The following PPM1E variants were observed in gnomAD, a reference collection of about 807,000 sequenced individuals.
PPM1E encodes the protein protein phosphatase, Mg2+/Mn2+ dependent 1E.
Under a neutral mutation model 65.9 loss-of-function variants are expected in PPM1E, and 20 were observed. The observed-to-expected ratio is 0.30, with a 90% CI of 0.21 to 0.44. PPM1E has a LOEUF of 0.44. PPM1E is among the 20% of genes least tolerant of loss of function. The pLI is 1.00. For missense variants in PPM1E, 713 were observed against 953.1 expected (o/e 0.75, Z 3.32); for synonymous variants, 352 against 374.9 (o/e 0.94, Z 0.70).
Position 58,794,406 on chromosome 17 carries a change from A to T in PPM1E, c.464+37945A>T, listed in dbSNP as rs192903989. On this transcript the variant is annotated intron_variant, in intron 1 of 6. Coordinates refer to ENST00000308249, the MANE Select transcript of PPM1E (RefSeq NM_014906.5). Reference sequence around the variant, plus strand: ...TTTATTATTATTTATTTTTTGAAGTATTTTATGTTATTTTTAACTTTTAGC... The same window carrying T: ...TTTATTATTATTTATTTTTTGAAGTTTTTTATGTTATTTTTAACTTTTAGC... Among the ~76,000 whole-genome samples, 6 of 152,136 alleles carry T rather than the reference A, an allele frequency of 3.9e-5. No individual in the cohort carries two copies. The East Asian group carries it at 1.2e-3, about 29-fold the overall frequency.
chr17:58,963,120 C>T (rs971365687), intron 2 of PPM1E, among the ~76,000 whole-genome samples: 4 of 151,916 alleles, frequency 2.6e-5, no homozygotes, highest in Admixed American at 1.3e-4. Context: ...CATGGTGGCT[C>T]ATGCCTGTAA....
intron 1 of PPM1E, among the ~76,000 whole-genome samples, chr17:58,820,450 C>T (rs748229978): frequency 6.6e-6 from 1 of 152,110 alleles, no homozygotes; most frequent in Non-Finnish European, 1.5e-5. Flanking sequence ...AATAATAATA[C>T]ATGTGATGTG....
At chr17:58,928,999 C>T (rs941949828) in intron 1 of PPM1E, among the ~76,000 whole-genome samples, 2 of 152,090 alleles carry the variant, frequency 1.3e-5, no homozygotes, top group Admixed American at 6.6e-5. Flanking sequence ...CCACTGCGCC[C>T]GGCCGAACAC....
At chr17:58,777,704 T>TA (rs955725469) in intron 1 of PPM1E, among the ~76,000 whole-genome samples, 6 of 152,270 alleles carry the variant, frequency 3.9e-5, no homozygotes, top group Admixed American at 3.9e-4. Context: ...GTTTCTCAAA[T>TA]AAACAGAATT....
intron 1 of PPM1E, among the ~76,000 whole-genome samples, chr17:58,915,804 T>C (rs918438962): frequency 2.0e-5 from 3 of 152,254 alleles, no homozygotes; most frequent in Non-Finnish European, 4.4e-5. Flanking sequence ...TTACCTACTT[T>C]GCAATGTGGA....
intron 1 of PPM1E, among the ~76,000 whole-genome samples, chr17:58,873,609 TTC>T (rs1349928725): frequency 1.1e-5 from 1 of 93,138 alleles, no homozygotes. Context: ...TATTATTATT[TTC>T]GAGTCAGGGT....
chr17:58,952,659 G>A (rs2052255681), intron 1 of PPM1E, among the ~76,000 whole-genome samples: 1 of 152,118 alleles, frequency 6.6e-6, no homozygotes, highest in Admixed American at 6.6e-5. Context: ...TGGGGCTGGA[G>A]TACTAGTTTC....
At chr17:58,883,629 G>A (rs1390546324) in intron 1 of PPM1E, among the ~76,000 whole-genome samples, 1 of 150,942 alleles carries the variant, frequency 6.6e-6, no homozygotes, top group Admixed American at 6.6e-5. Flanking sequence ...GACTACAGGC[G>A]CCCGCCACCA....
At chr17:58,966,731 GGTTT>G (rs764175630) in intron 3 of PPM1E, 7 of 152,940 alleles carry the variant, frequency 4.6e-5, no homozygotes, top group African/African-American at 7.2e-5. Context: ...CAAACAAGTA[GGTTT>G]GTTTTCTTTG....
At chr17:58,977,904 G>A (rs1056294783) in intron 6 of PPM1E, among the ~76,000 whole-genome samples, 8 of 151,992 alleles carry the variant, frequency 5.3e-5, no homozygotes, top group Admixed American at 2.6e-4. Context: ...CACCAGGCCC[G>A]GCTAATTTTT....
chr17:58,885,736 A>G (rs2051257490), intron 1 of PPM1E, among the ~76,000 whole-genome samples: 1 of 152,114 alleles, frequency 6.6e-6, no homozygotes, highest in African/African-American at 2.4e-5. Flanking sequence ...TTTGTTTTCT[A>G]TCTATCTGTC....
chr17:58,806,369 C>T (rs2050314364), intron 1 of PPM1E, among the ~76,000 whole-genome samples: 1 of 150,866 alleles, frequency 6.6e-6, no homozygotes, highest in African/African-American at 2.4e-5. Flanking sequence ...AGTTAGTTGT[C>T]GACAGTATAG....
intron 1 of PPM1E, among the ~76,000 whole-genome samples, chr17:58,837,582 C>T (rs2050676226): frequency 6.6e-6 from 1 of 151,020 alleles, no homozygotes; most frequent in Admixed American, 6.6e-5. Context: ...ACTGCAACCT[C>T]TGCCTCCCAG....
chr17:58,824,436 T>A (rs1444513932), intron 1 of PPM1E, among the ~76,000 whole-genome samples: 1 of 152,192 alleles, frequency 6.6e-6, no homozygotes, highest in Non-Finnish European at 1.5e-5. Flanking sequence ...CTTATATCAG[T>A]GAAGATAGAT....
chr17:58,769,838 C>G (rs898955558), intron 1 of PPM1E, among the ~76,000 whole-genome samples: 1 of 151,822 alleles, frequency 6.6e-6, no homozygotes, highest in Non-Finnish European at 1.5e-5. Flanking sequence ...ACCAGCCTGA[C>G]CAACATGGCA....
chr17:58,818,046 G>A (rs2050444410), intron 1 of PPM1E, among the ~76,000 whole-genome samples: 1 of 152,068 alleles, frequency 6.6e-6, no homozygotes. Flanking sequence ...GCCCACTCTA[G>A]TTTTTTTCTA....
At chr17:58,955,802 C>G (rs370401829) in intron 2 of PPM1E, 35 bp downstream of exon 2, 1 of 1,552,962 alleles carries the variant, frequency 6.4e-7, no homozygotes, top group African/African-American at 1.4e-5. Flanking sequence ...TTTAAAAATA[C>G]TAGAATCTTC....
At position 58,984,586 on chromosome 17, in the gene PPM1E, A is replaced by C. The variant is rs781667445; in HGVS notation, c.*3555A>C. The C allele has an allele frequency of 1.3e-5, 2 of 152,516 alleles. No individual in the cohort carries two copies. Among genetic ancestry groups the C allele is most frequent in the Non-Finnish European group, 2.9e-5 (2 of 68,024 alleles). The allele number at this position is 152,516 out of a possible 1,614,324, so 9.4% of individuals were successfully genotyped here. ...TTTGAATCGTAAGTTAGCAAAAGAA[A>C]TTTTTTTCACCTTTGAAAATCACGT... On this transcript the variant is annotated 3_prime_UTR_variant, in exon 7 of 7. Transcript: ENST00000308249.
intron 2 of PPM1E, among the ~76,000 whole-genome samples, chr17:58,961,831 T>C (rs568578212): frequency 4.6e-5 from 7 of 152,072 alleles, no homozygotes; most frequent in Non-Finnish European, 2.9e-5. Flanking sequence ...AGAGATGGGG[T>C]CTTGCTATGT....
Sources: gnomAD v4.1 joint callset for allele counts (sites outside exome capture counted in the v4.1 genomes callset) on GRCh38, gnomAD v4.1.1 for gene constraint, MANE v1.5 for transcripts, NCBI Gene and HGNC (gene_info 2026-07-23, HGNC 2026-07-21) for gene names.